Variants in FRS2 observed in about 807,000 individuals in gnomAD.
FRS2 encodes FGFR signalling adaptor.
Under a neutral mutation model 43.9 loss-of-function variants are expected in FRS2, and 8 were observed. That is an observed-to-expected ratio of 0.18 (90% confidence interval 0.11 to 0.33). The LOEUF (loss-of-function observed/expected upper bound fraction) is 0.33. Among genes scored for constraint, FRS2 ranks in the 10% least tolerant of loss-of-function variants. The probability of loss-of-function intolerance (pLI) is 1.00; values close to 1 mark genes in which losing one functional copy is unlikely to be tolerated. For synonymous variants in FRS2, 219 were observed against 220.3 expected (o/e 0.99, Z 0.05); for missense variants, 534 against 627.6 (o/e 0.85, Z 1.59).
Position 69,575,272 on chromosome 12 carries a change from C to T in FRS2, c.*317C>T, listed in dbSNP as rs1881113839. 2 of 269,426 alleles carry T rather than the reference C, an allele frequency of 7.4e-6. No homozygotes were observed. Among genetic ancestry groups the T allele is most frequent in the Non-Finnish European group, 1.4e-5 (2 of 143,140 alleles). 16.7% of individuals were successfully genotyped at this position (269,426 alleles called of 1,614,324 possible). ...TGGACTTAACGCATACCTTTCATGT[C>T]TAAGTCATGGTTGGCTTTTAAAACT... On this transcript the variant is annotated 3_prime_UTR_variant, in exon 9 of 9. Coordinates refer to ENST00000549921, the MANE Select transcript of FRS2 (RefSeq NM_001278356.2).
At chr12:69,569,240 A>T (rs1880550303) in intron 5 of FRS2, 144 bp downstream of exon 5, 2 of 552,734 alleles carry the variant, frequency 3.6e-6, no homozygotes, top group Non-Finnish European at 3.2e-6. Context: ...TGATTTAATA[A>T]ATGATGACAA....
chr12:69,495,108 A>G (rs1382801961), intron 1 of FRS2, among the ~76,000 whole-genome samples: 1 of 152,118 alleles, frequency 6.6e-6, no homozygotes, highest in African/African-American at 2.4e-5. Context: ...TGGTATCGAT[A>G]TGAGGACTAA....
At chr12:69,523,761 G>A (rs184984988) in intron 1 of FRS2, among the ~76,000 whole-genome samples, 1 of 152,284 alleles carries the variant, frequency 6.6e-6, no homozygotes, top group East Asian at 1.9e-4. Context: ...TTGTAAAGCA[G>A]GTCTAGTGGT....
intron 3 of FRS2, among the ~76,000 whole-genome samples, chr12:69,541,290 G>A (rs1476002842): frequency 6.6e-6 from 1 of 152,056 alleles, no homozygotes; most frequent in Non-Finnish European, 1.5e-5. Context: ...GCCATCTGAA[G>A]GCCTACTCAC....
intron 3 of FRS2, among the ~76,000 whole-genome samples, chr12:69,544,380 ATT>A (rs1183414619): frequency 6.6e-6 from 1 of 152,146 alleles, no homozygotes; most frequent in Non-Finnish European, 1.5e-5. Flanking sequence ...AAAATTCAGC[ATT>A]CTTTCATGAT....
At chr12:69,552,282 A>AC in intron 3 of FRS2, among the ~76,000 whole-genome samples, 1 of 146,356 alleles carries the variant, frequency 6.8e-6, no homozygotes, top group East Asian at 2.0e-4. Flanking sequence ...AGCCTGGGCA[A>AC]CAAGAGCGAA....
chr12:69,531,146 A>G (rs1876750769), intron 2 of FRS2, among the ~76,000 whole-genome samples, 186 bp downstream of exon 2: 2 of 152,092 alleles, frequency 1.3e-5, no homozygotes, highest in Admixed American at 6.5e-5. Context: ...CCTGGCCAAC[A>G]TGGTGAAACC....
At chr12:69,555,556 G>A (rs1879265657) in intron 3 of FRS2, among the ~76,000 whole-genome samples, 1 of 152,102 alleles carries the variant, frequency 6.6e-6, no homozygotes, top group Admixed American at 6.5e-5. Flanking sequence ...AACAACACAG[G>A]GTTTGAACCG....
chr12:69,508,669 C>T (rs947150870), intron 1 of FRS2, among the ~76,000 whole-genome samples: 2 of 152,282 alleles, frequency 1.3e-5, no homozygotes, highest in Middle Eastern at 6.8e-3. Context: ...AACAGTTCCC[C>T]ATCTCTCTTC....
chr12:69,557,620 G>GTGTGTGCGCGTGCA (rs1555192515), intron 3 of FRS2, among the ~76,000 whole-genome samples: 1 of 57,078 alleles, frequency 1.8e-5, no homozygotes, highest in African/African-American at 9.3e-5. Context: ...GTGTGTGTGT[G>GTGTGTGCGCGTGCA]CGCGCGCGCG....
At chr12:69,565,278 G>T (rs1329209232) in intron 4 of FRS2, among the ~76,000 whole-genome samples, 1 of 152,230 alleles carries the variant, frequency 6.6e-6, no homozygotes, top group African/African-American at 2.4e-5. Flanking sequence ...GCCGTGGATG[G>T]AGGTTACAGA....
chr12:69,538,223 A>ATATATATATATATATATATATG (rs1194377826), intron 3 of FRS2, among the ~76,000 whole-genome samples: 46 of 100,150 alleles, frequency 4.6e-4, no homozygotes, highest in African/African-American at 1.8e-3. Flanking sequence ...ATATATATAT[A>ATATATATATATATATATATATG]GCATTGCAGA....
At chr12:69,494,626 C>T (rs1329182634) in intron 1 of FRS2, among the ~76,000 whole-genome samples, 1 of 152,142 alleles carries the variant, frequency 6.6e-6, no homozygotes, top group African/African-American at 2.4e-5. Flanking sequence ...CTGGCTCTAC[C>T]TAAGGCCAGA....
intron 3 of FRS2, among the ~76,000 whole-genome samples, chr12:69,555,459 C>T (rs1272635702): frequency 3.9e-5 from 6 of 152,134 alleles, no homozygotes; most frequent in African/African-American, 1.4e-4. Context: ...GATAGATGTG[C>T]TCGGATGCAA....
chr12:69,562,036 T>C (rs1879921745), intron 3 of FRS2, 144 bp from the exon 4 acceptor site: 3 of 384,384 alleles, frequency 7.8e-6, no homozygotes, highest in Non-Finnish European at 4.6e-6. Flanking sequence ...ATTGATGTTA[T>C]ATGTTAAATA....
chr12:69,530,707 C>T (rs926886618), intron 1 of FRS2, among the ~76,000 whole-genome samples, 158 bp from the exon 2 acceptor site: 13 of 152,170 alleles, frequency 8.5e-5, no homozygotes, highest in South Asian at 2.1e-4. Context: ...GGTGCCACTG[C>T]GCTTCAGCCT....
intron 3 of FRS2, among the ~76,000 whole-genome samples, chr12:69,539,710 C>T (rs904516079): frequency 1.3e-5 from 2 of 152,080 alleles, no homozygotes; most frequent in African/African-American, 4.8e-5. Flanking sequence ...ACAAGATCCA[C>T]TTTGGGAGGC....
intron 3 of FRS2, among the ~76,000 whole-genome samples, chr12:69,543,217 T>C (rs1010883605): frequency 1.3e-5 from 2 of 152,170 alleles, no homozygotes; most frequent in African/African-American, 4.8e-5. Flanking sequence ...ACAAGTCATC[T>C]CAATAAGTAA....
intron 6 of FRS2, among the ~76,000 whole-genome samples, 161 bp downstream of exon 6, chr12:69,570,678 TTTA>T (rs1206232054): frequency 6.6e-6 from 1 of 152,190 alleles, no homozygotes; most frequent in Non-Finnish European, 1.5e-5. Flanking sequence ...TTATCAACTG[TTTA>T]TTAAGCACAT....
Sources: allele counts gnomAD v4.1 joint callset (sites outside exome capture counted in the v4.1 genomes callset), GRCh38; gene constraint gnomAD v4.1.1; transcripts MANE v1.5; gene names NCBI Gene and HGNC (gene_info 2026-07-23, HGNC 2026-07-21).